EBF1: variants seen among roughly 807,000 people sequenced by gnomAD.
The protein encoded by EBF1 is EBF transcription factor 1.
A neutral mutation model predicts 68.4 loss-of-function variants in EBF1; 10 were observed. The ratio of observed to expected loss-of-function variants is 0.15; its 90% CI spans 0.09 to 0.25. The LOEUF is 0.25. EBF1 is among the 10% of genes least tolerant of loss of function. The probability of loss-of-function intolerance (pLI) is 1.00; values close to 1 mark genes in which losing one functional copy is unlikely to be tolerated. For synonymous variants in EBF1, 298 were observed against 299.8 expected (o/e 0.99, Z 0.06); for missense variants, 509 against 794.4 (o/e 0.64, Z 4.32).
At chr5:158,790,295 C>G (rs796749965) in intron 9 of EBF1, among the ~76,000 whole-genome samples, 2 of 152,168 alleles carry the variant, frequency 1.3e-5, no homozygotes, top group East Asian at 3.9e-4. Context: ...AAATTTTGTT[C>G]AAAGCCTTGC....
chr5:159,043,185 T>C (rs1014088830), intron 6 of EBF1, among the ~76,000 whole-genome samples: 21 of 152,154 alleles, frequency 1.4e-4, no homozygotes, highest in African/African-American at 4.8e-4. Flanking sequence ...TCCAAGGTCT[T>C]ATGGCTAGTT....
At chr5:158,780,192 C>A (rs943880503) in intron 9 of EBF1, among the ~76,000 whole-genome samples, 12 of 152,138 alleles carry the variant, frequency 7.9e-5, no homozygotes, top group Non-Finnish European at 1.8e-4. Flanking sequence ...TAGTTTAAAG[C>A]TAATCTTCTT....
At chr5:159,086,142 C>A (rs148798344) in intron 4 of EBF1, among the ~76,000 whole-genome samples, 2,588 of 152,166 alleles carry the variant, frequency 0.017, 25 homozygotes, top group African/African-American at 0.024. Context: ...TAAAAAATTC[C>A]AAGATACTCT....
chr5:158,810,047 A>G (rs114376885), intron 8 of EBF1, among the ~76,000 whole-genome samples: 270 of 152,336 alleles, frequency 1.8e-3, no homozygotes, highest in African/African-American at 6.3e-3. Flanking sequence ...GGATTCTGCC[A>G]AAGTTGAAAG....
At chr5:158,895,865 G>A (rs1802076553) in intron 6 of EBF1, among the ~76,000 whole-genome samples, 1 of 152,156 alleles carries the variant, frequency 6.6e-6, no homozygotes, top group South Asian at 2.1e-4. Flanking sequence ...CCTGAGATCA[G>A]CCAAATCATA....
chr5:158,984,681 CTTTTTTT>C (rs869234197), intron 6 of EBF1: 4 of 99,896 alleles, frequency 4.0e-5, no homozygotes, highest in Non-Finnish European at 5.9e-5. Flanking sequence ...TGCTTTCTTC[CTTTTTTT>C]TTTTTTTTTT....
chr5:158,777,019 A>C (rs1775435297), intron 10 of EBF1, among the ~76,000 whole-genome samples: 1 of 152,202 alleles, frequency 6.6e-6, no homozygotes, highest in African/African-American at 2.4e-5. Flanking sequence ...ATTGTATGTA[A>C]TACAAGTGCC....
intron 6 of EBF1, among the ~76,000 whole-genome samples, chr5:159,021,037 C>T (rs888833041): frequency 3.3e-5 from 5 of 152,234 alleles, no homozygotes. Flanking sequence ...TCAGTCTTCT[C>T]TCTCTTGCAC....
chr5:159,039,682 G>A (rs1285004375), intron 6 of EBF1, among the ~76,000 whole-genome samples: 1 of 152,184 alleles, frequency 6.6e-6, no homozygotes, highest in Non-Finnish European at 1.5e-5. Flanking sequence ...AAGCGGTTTT[G>A]TCATGAAACT....
At chr5:158,704,681 C>A (rs369220118) in intron 15 of EBF1, among the ~76,000 whole-genome samples, 5 of 149,718 alleles carry the variant, frequency 3.3e-5, no homozygotes, top group Non-Finnish European at 5.9e-5. Context: ...TGAAGTAATT[C>A]TCTGAATGTC....
At chr5:158,712,006 C>A (rs945309546) in intron 14 of EBF1, 148 bp downstream of exon 14, 35 of 914,620 alleles carry the variant, frequency 3.8e-5, no homozygotes, top group Non-Finnish European at 5.1e-5. Context: ...ACGATGGTGC[C>A]TTTAGCACCA....
rs536810948 is a variant in EBF1 at position 159,067,988 on chromosome 5, G to A, written c.554+5408C>T. 7.2e-5 allele frequency among the ~76,000 whole-genome samples: 11 copies of A among 152,116 alleles called. No individual in the cohort carries two copies. The East Asian group carries it at 1.4e-3, about 19-fold the overall frequency. The stretch of plus-strand genomic sequence containing the variant: ...AATCAGGTGGTATAAAAGGTTTATC[G>A]GAACGCTGAGAAATGCATTTACACC... On this transcript the variant is annotated intron_variant, in intron 6 of 15. Coordinates refer to ENST00000313708, the MANE Select transcript of EBF1 (RefSeq NM_024007.5).
At chr5:158,894,703 G>T (rs1012718304) in intron 6 of EBF1, among the ~76,000 whole-genome samples, 1 of 152,164 alleles carries the variant, frequency 6.6e-6, no homozygotes, top group Admixed American at 6.5e-5. Context: ...GCCATTTACT[G>T]TGTCACCTGG....
intron 10 of EBF1, among the ~76,000 whole-genome samples, chr5:158,731,941 C>T (rs903313650): frequency 8.5e-5 from 13 of 152,074 alleles, no homozygotes; most frequent in African/African-American, 3.1e-4. Context: ...TTAAAGCATC[C>T]TTAAATTAAA....
intron 6 of EBF1, among the ~76,000 whole-genome samples, chr5:158,924,464 C>T (rs570292597): frequency 4.6e-5 from 7 of 152,110 alleles, no homozygotes; most frequent in African/African-American, 1.7e-4. Flanking sequence ...AGGGCAAATC[C>T]TTCTCTCCCC....
At chr5:158,843,893 G>A (rs913696222) in intron 6 of EBF1, among the ~76,000 whole-genome samples, 1 of 152,166 alleles carries the variant, frequency 6.6e-6, no homozygotes, top group East Asian at 1.9e-4. Flanking sequence ...TAAACCGGGG[G>A]ACATGTGCAC....
intron 10 of EBF1, among the ~76,000 whole-genome samples, chr5:158,769,502 A>G (rs1012948939): frequency 6.6e-6 from 1 of 152,170 alleles, no homozygotes; most frequent in East Asian, 1.9e-4. Context: ...TATTTGTAAA[A>G]TATGCAAAAT....
At chr5:159,020,667 C>T (rs900574136) in intron 6 of EBF1, among the ~76,000 whole-genome samples, 1 of 152,170 alleles carries the variant, frequency 6.6e-6, no homozygotes, top group African/African-American at 2.4e-5. Flanking sequence ...TAGCTCTGAA[C>T]AAGTTTCTCT....
chr5:158,860,250 AACT>A (rs1309300490), intron 6 of EBF1, among the ~76,000 whole-genome samples: 1 of 152,236 alleles, frequency 6.6e-6, no homozygotes, highest in Non-Finnish European at 1.5e-5. Flanking sequence ...CTAAGATAGT[AACT>A]ACTAAGGTAG....
Sources: gnomAD v4.1 joint callset for allele counts (sites outside exome capture counted in the v4.1 genomes callset) on GRCh38, gnomAD v4.1.1 for gene constraint, MANE v1.5 for transcripts, NCBI Gene and HGNC (gene_info 2026-07-23, HGNC 2026-07-21) for gene names.